ZNF469: variants seen among roughly 807,000 people sequenced by gnomAD.
The protein encoded by ZNF469 is zinc finger protein 469.
In ZNF469, 1 loss-of-function variant was observed where a neutral mutation model predicts 1.0. The ratio of observed to expected loss-of-function variants is 1.00; its 90% CI spans 0.35 to 4.73. The LOEUF (loss-of-function observed/expected upper bound fraction) is 4.73, where lower values mean the gene tolerates loss of function less well. Ranked by LOEUF, ZNF469 falls within the 30% of genes most tolerant of loss-of-function variation. The pLI, the probability that ZNF469 is intolerant of heterozygous loss-of-function variation, is 0.16. For synonymous variants in ZNF469, 2,703 were observed against 2,363.4 expected, an observed-to-expected ratio of 1.14 and a Z score of -4.17; for missense variants, 6,100 against 5,356.3, an observed-to-expected ratio of 1.14 and a Z score of -4.33.
chr16:88,367,358 C>G, the ZNF469 span, among the ~76,000 whole-genome samples: 1 of 152,204 alleles, frequency 6.6e-6, no homozygotes. Context: ...AGGGGTTAAG[C>G]TCAAAGTCCC....
At chr16:88,186,541 G>A in the ZNF469 span, among the ~76,000 whole-genome samples, 2 of 152,128 alleles carry the variant, frequency 1.3e-5, no homozygotes, top group Non-Finnish European at 1.5e-5. Context: ...AGGGTTTTCC[G>A]ACCGCCTCTG....
At chr16:88,381,390 A>ACT (rs1458954646), upstream of ZNF469, among the ~76,000 whole-genome samples, 4 of 148,430 alleles carry the variant, frequency 2.7e-5, no homozygotes, top group Non-Finnish European at 5.9e-5. Flanking sequence ...ACATGCATTC[A>ACT]CACACACGCA....
the ZNF469 span, among the ~76,000 whole-genome samples, chr16:88,138,984 G>C: frequency 6.6e-6 from 1 of 152,248 alleles, no homozygotes; most frequent in African/African-American, 2.4e-5. Context: ...GTGCTGACAG[G>C]GGGGACCCTG....
chr16:88,102,824 G>A, the ZNF469 span, among the ~76,000 whole-genome samples: 4 of 152,312 alleles, frequency 2.6e-5, no homozygotes, highest in African/African-American at 7.2e-5. Context: ...CCGCCTCCCC[G>A]CCTCCATCCG....
intron 1 of ZNF469, among the ~76,000 whole-genome samples, chr16:88,405,128 G>A (rs1259365309): frequency 6.6e-6 from 1 of 152,122 alleles, no homozygotes; most frequent in Non-Finnish European, 1.5e-5. Flanking sequence ...ATGGGAGATT[G>A]GTGGTGGACA....
rs886052397 is a variant in ZNF469, at chr16:88,430,417, AACG to A, written c.2951_2953del (p.Asp984del). On this transcript the variant is annotated inframe_deletion, in exon 3 of 3. Transcript: ENST00000565624. ...AGCCTCCGGCCTGAGGCCCCGGAGG[AACG>A]ACGGTCTCGGGGAGCGGCCCCCACC... 1.2e-5 allele frequency: 18 copies of A among 1,518,124 alleles called. No individual in the cohort carries two copies. The highest frequency in any genetic ancestry group is 1.5e-5 in the Non-Finnish European group (17 of 1,137,362). The allele number at this position is 1,518,124 out of a possible 1,614,324, so 94.0% of individuals were successfully genotyped here.
chr16:88,430,687 G>C lies in ZNF469; in HGVS notation c.3217G>C (p.Gly1073Arg). The change falls in exon 3 of 3, where the codon GGC becomes CGC. Residue 1073 changes from glycine to arginine, a missense_variant. Gly to Arg is a moderately radical substitution (Grantham distance 125). Transcript: ENST00000565624. ...GCTGGGGCGGCGGGCGGGCAGGTGC[G>C]GCTCCCTGGCGGCGGGGAGGCCCCG... The part of the protein sequence containing the change: ...RRLGRRAGRC[G>R]SLAAGRPRPG... 1 of 1,487,270 alleles carries C rather than the reference G, an allele frequency of 6.7e-7. No homozygotes were observed. The highest frequency in any genetic ancestry group is 1.3e-5 in the South Asian group (1 of 77,654). The allele number at this position is 1,487,270 out of a possible 1,614,324, so 92.1% of individuals were successfully genotyped here. A position where few individuals can be genotyped will look rare whatever the true frequency, so the allele number is the denominator to read the frequency against.
the ZNF469 span, among the ~76,000 whole-genome samples, chr16:88,359,371 G>A: frequency 6.6e-6 from 1 of 151,778 alleles, no homozygotes; most frequent in South Asian, 2.1e-4. Flanking sequence ...TATCCTGCAC[G>A]CATTTGCTAT....
At chr16:88,274,732 A>G in the ZNF469 span, among the ~76,000 whole-genome samples, 1 of 152,198 alleles carries the variant, frequency 6.6e-6, no homozygotes, top group East Asian at 1.9e-4. Flanking sequence ...CAATTCTGCT[A>G]TTCAGTTATT....
the ZNF469 span, among the ~76,000 whole-genome samples, chr16:88,360,106 G>T: frequency 2.0e-5 from 3 of 151,796 alleles, no homozygotes; most frequent in South Asian, 2.1e-4. Context: ...CACCCACCTC[G>T]GCCTCCCAAA....
the ZNF469 span, among the ~76,000 whole-genome samples, chr16:88,301,561 C>T: frequency 4.6e-5 from 7 of 152,290 alleles, no homozygotes; most frequent in East Asian, 1.4e-3. Context: ...TCCAGGGCAC[C>T]GTCAGGCGAG....
Position 88,430,243 on chromosome 16 carries a change from A to G in ZNF469, c.2773A>G (p.Lys925Glu), listed in dbSNP as rs1054533704. 3.9e-6 allele frequency: 6 copies of G among 1,529,482 alleles called. No individual in the cohort carries two copies. The highest frequency in any genetic ancestry group is 4.0e-5 in the Admixed American group (2 of 50,138). The allele number at this position is 1,529,482 out of a possible 1,614,324, so 94.7% of individuals were successfully genotyped here. ...DRGCPARGRP[K>E]TRSLGLAPTE... The stretch of plus-strand genomic sequence containing the variant: ...GGGCTGCCCAGCCCGAGGCAGGCCC[A>G]AAACGCGTTCCCTGGGTCTGGCCCC... The change falls in exon 3 of 3, where the codon AAA becomes GAA. Residue 925 changes from lysine (K) to glutamate (E), a missense_variant. Physicochemically the swap from Lys to Glu is moderately conservative, Grantham distance 56 (BLOSUM62 1). Coordinates refer to ENST00000565624, the MANE Select transcript of ZNF469 (RefSeq NM_001367624.2).
chr16:88,222,864 G>C, the ZNF469 span, among the ~76,000 whole-genome samples: 1 of 152,156 alleles, frequency 6.6e-6, no homozygotes, highest in African/African-American at 2.4e-5. Flanking sequence ...CTCCCAAAGT[G>C]CTGGGATTAT....
Position 88,429,474 on chromosome 16 carries a change from C to T in ZNF469, c.2004C>T (p.Ala668=). ...PTHYQPEPAK[A]FPFPADGLGA... ...ACTACCAGCCAGAGCCAGCCAAGGC[C>T]TTCCCTTTTCCCGCAGATGGGCTGG... Residue 668 remains alanine (A), a synonymous_variant, in exon 3 of 3, where the codon GCC becomes GCT. Coordinates refer to ENST00000565624, the MANE Select transcript of ZNF469 (RefSeq NM_001367624.2). The T allele has an allele frequency of 6.5e-7, 1 of 1,549,998 alleles. No individual in the cohort carries two copies. Among genetic ancestry groups the T allele is most frequent in the Non-Finnish European group, 8.7e-7 (1 of 1,146,814 alleles).
Position 88,424,509 on chromosome 16 carries a change from A to T in ZNF469, c.-191-298A>T, listed in dbSNP as rs571182516. Among the ~76,000 whole-genome samples the T allele has an allele frequency of 6.6e-6, 1 of 152,302 alleles. No individual in the cohort carries two copies. Among genetic ancestry groups the T allele is most frequent in the East Asian group, 1.9e-4 (1 of 5,176 alleles). On this transcript the variant is annotated intron_variant, in intron 1 of 2. Transcript: ENST00000565624. The surrounding 1 kb of genome is among the most constrained non-coding windows in gnomAD (Gnocchi z 4.3). ...TGGAGCTTCGGAGCTGCATGTACAC[A>T]CAATCTATGCGTACATAAAGACCCA...
chr16:88,344,105 T>C, the ZNF469 span, among the ~76,000 whole-genome samples: 1 of 152,058 alleles, frequency 6.6e-6, no homozygotes, highest in East Asian at 1.9e-4. Context: ...GGAGAGACTC[T>C]ACAAAACACC....
intron 1 of ZNF469, among the ~76,000 whole-genome samples, chr16:88,422,822 G>A (rs56395549): frequency 0.83 from 113,565 of 136,660 alleles, 49,004 homozygotes; most frequent in South Asian, 0.96. Context: ...GCAGATGGGT[G>A]GGTGGGTGAT....
chr16:88,183,409 A>C, the ZNF469 span, among the ~76,000 whole-genome samples: 4 of 152,240 alleles, frequency 2.6e-5, no homozygotes, highest in African/African-American at 9.6e-5. Context: ...TGAACCCGTG[A>C]GCAACTGTGT....
the ZNF469 span, among the ~76,000 whole-genome samples, chr16:88,134,784 C>T: frequency 6.6e-6 from 1 of 152,220 alleles, no homozygotes; most frequent in African/African-American, 2.4e-5. Context: ...TTAGGATGGA[C>T]AGCTGTTTGC....
Sources: allele counts gnomAD v4.1 joint callset (sites outside exome capture counted in the v4.1 genomes callset), GRCh38; gene constraint gnomAD v4.1.1; non-coding constraint Gnocchi (gnomAD v3.1); transcripts MANE v1.5; gene names NCBI Gene and HGNC (gene_info 2026-07-23, HGNC 2026-07-21).